Variants in TCF4 observed in about 807,000 individuals in gnomAD.
TCF4 encodes SL3-3 enhancer factor 2.
A neutral mutation model predicts 82.1 loss-of-function variants in TCF4; 3 were observed. The ratio of observed to expected loss-of-function variants is 0.04; its 90% confidence interval spans 0.02 to 0.09. The LOEUF (loss-of-function observed/expected upper bound fraction) is 0.09. Among genes scored for constraint, TCF4 ranks in the 10% least tolerant of loss-of-function variants. TCF4 has a pLI of 1.00. For missense variants in TCF4, 518 were observed against 852.7 expected, an observed-to-expected ratio of 0.61 and a Z score of 4.89; for synonymous variants, 276 against 309.6, an observed-to-expected ratio of 0.89 and a Z score of 1.14.
At chr18:55,482,050 G>T (rs991781550) in intron 3 of TCF4, 1 of 152,202 alleles carries the variant, frequency 6.6e-6, no homozygotes, top group Non-Finnish European at 1.5e-5. Flanking sequence ...GGGCCTAGGG[G>T]TGAGAAAAGC....
chr18:55,574,403 C>G (rs2097507284), intron 3 of TCF4, among the ~76,000 whole-genome samples: 1 of 152,204 alleles, frequency 6.6e-6, no homozygotes, highest in African/African-American at 2.4e-5. Flanking sequence ...CAGCTCACCA[C>G]AAACTCCACC....
chr18:55,505,541 A>G (rs944888131), intron 3 of TCF4, among the ~76,000 whole-genome samples: 8 of 152,084 alleles, frequency 5.3e-5, no homozygotes, highest in African/African-American at 1.9e-4. Flanking sequence ...GCGGTGGCTC[A>G]CGCCTGTAAT....
At chr18:55,380,267 T>A (rs2091660917) in intron 6 of TCF4, among the ~76,000 whole-genome samples, 1 of 151,926 alleles carries the variant, frequency 6.6e-6, no homozygotes. Context: ...CCTTTACTTT[T>A]CTTTTTTTTT....
intron 5 of TCF4, chr18:55,423,521 A>G (rs1271373427): frequency 4.6e-5 from 7 of 152,134 alleles, no homozygotes; most frequent in African/African-American, 9.7e-5. Context: ...GAGCTTACCT[A>G]CTTGACCACT....
intron 4 of TCF4, among the ~76,000 whole-genome samples, chr18:55,462,173 C>T (rs1023108936): frequency 1.3e-5 from 2 of 152,158 alleles, no homozygotes; most frequent in African/African-American, 2.4e-5. Flanking sequence ...CACCTTTCCT[C>T]GTGTATAACA....
chr18:55,392,504 ATTTTCTACC>A (rs2093212725), intron 6 of TCF4, among the ~76,000 whole-genome samples: 1 of 149,592 alleles, frequency 6.7e-6, no homozygotes, highest in African/African-American at 2.5e-5. Flanking sequence ...TTGATTTTCG[ATTTTCTACC>A]TTCTCTATAA....
chr18:55,612,222 A>T (rs1603625414), intron 2 of TCF4, among the ~76,000 whole-genome samples: 1 of 152,114 alleles, frequency 6.6e-6, no homozygotes, highest in East Asian at 1.9e-4. Flanking sequence ...CTGAGGTGTT[A>T]CCTCACATTT....
At chr18:55,567,599 G>A (rs1279480357) in intron 3 of TCF4, among the ~76,000 whole-genome samples, 18 of 152,092 alleles carry the variant, frequency 1.2e-4, no homozygotes, top group Admixed American at 1.2e-3. Context: ...TGTAATCCCA[G>A]CTACTTGGGA....
intron 8 of TCF4, among the ~76,000 whole-genome samples, chr18:55,308,536 G>T (rs940766691): frequency 3.9e-5 from 6 of 152,234 alleles, no homozygotes; most frequent in African/African-American, 7.2e-5. Context: ...TATGGTGGAT[G>T]TGACACATTC....
intron 6 of TCF4, among the ~76,000 whole-genome samples, chr18:55,370,265 G>C (rs2088607992): frequency 6.6e-6 from 1 of 152,114 alleles, no homozygotes; most frequent in South Asian, 2.1e-4. Flanking sequence ...AATTAGCCAG[G>C]TATGGTGGTG....
chr18:55,628,556 A>C (rs1302199251), intron 2 of TCF4, among the ~76,000 whole-genome samples: 1 of 152,208 alleles, frequency 6.6e-6, no homozygotes, highest in Non-Finnish European at 1.5e-5. Context: ...TTATACACAG[A>C]AAAGCCTTGG....
intron 13 of TCF4, 58 bp downstream of exon 13, chr18:55,259,891 A>AG (rs761110194): frequency 3.2e-5 from 46 of 1,431,994 alleles, no homozygotes; most frequent in Middle Eastern, 1.7e-4. Flanking sequence ...AGGAAGTACA[A>AG]GGGGGGAATC....
chr18:55,450,745 C>T (rs1380463593), intron 5 of TCF4, among the ~76,000 whole-genome samples: 1 of 152,082 alleles, frequency 6.6e-6, no homozygotes, highest in Non-Finnish European at 1.5e-5. Context: ...CAAAACATTC[C>T]CAAGAATATG....
chr18:55,288,981 A>G (rs564164203), intron 8 of TCF4, among the ~76,000 whole-genome samples: 17 of 152,320 alleles, frequency 1.1e-4, no homozygotes, highest in Admixed American at 5.2e-4. Context: ...ATACTTCTTT[A>G]TATTTTTACA....
At chr18:55,280,189 A>G (rs566266081) in intron 8 of TCF4, among the ~76,000 whole-genome samples, 1 of 152,226 alleles carries the variant, frequency 6.6e-6, no homozygotes, top group Non-Finnish European at 1.5e-5. Context: ...TTAAATTCCC[A>G]TAGTGTCAGC....
chr18:55,371,230 T>C (rs970963945), intron 6 of TCF4, among the ~76,000 whole-genome samples: 24 of 152,224 alleles, frequency 1.6e-4, no homozygotes, highest in Non-Finnish European at 2.9e-5. Context: ...TAGTTTGTGA[T>C]ACTTGGTCTT....
At chr18:55,287,066 T>C (rs2063848474) in intron 8 of TCF4, among the ~76,000 whole-genome samples, 1 of 152,192 alleles carries the variant, frequency 6.6e-6, no homozygotes, top group South Asian at 2.1e-4. Flanking sequence ...ATTCTCTTTA[T>C]TGGTAGTCTG....
chr18:55,502,673 A>C (rs2146071711), intron 3 of TCF4, among the ~76,000 whole-genome samples: 1 of 152,344 alleles, frequency 6.6e-6, no homozygotes, highest in African/African-American at 2.4e-5. Context: ...AACCGATGTC[A>C]ATATAAAATT....
intron 3 of TCF4, chr18:55,496,013 G>T (rs2096631361): frequency 6.6e-6 from 1 of 152,118 alleles, no homozygotes. Context: ...GGCATCAGGA[G>T]GTATCTTCAG....
Sources: gnomAD v4.1 joint callset for allele counts (sites outside exome capture counted in the v4.1 genomes callset) on GRCh38, gnomAD v4.1.1 for gene constraint, MANE v1.5 for transcripts, NCBI Gene and HGNC (gene_info 2026-07-23, HGNC 2026-07-21) for gene names.